Variants in RAP1GDS1 observed in about 807,000 individuals in gnomAD.
RAP1GDS1 encodes Rap1 GTPase-GDP dissociation stimulator 1, also known as RAP1, GTP-GDP dissociation stimulator 1.
Under a neutral mutation model 71.1 loss-of-function variants are expected in RAP1GDS1, and 35 were observed. The ratio of observed to expected loss-of-function variants is 0.49; its 90% CI spans 0.38 to 0.65. RAP1GDS1 has a LOEUF of 0.65. Ranked by LOEUF, RAP1GDS1 falls within the 30% of genes least tolerant of loss-of-function variation. RAP1GDS1 has a pLI of 0.00. For synonymous variants in RAP1GDS1, 229 were observed against 243.1 expected, an observed-to-expected ratio of 0.94 and a Z score of 0.54; for missense variants, 663 against 706.1, an observed-to-expected ratio of 0.94 and a Z score of 0.69.
intron 5 of RAP1GDS1, among the ~76,000 whole-genome samples, chr4:98,389,859 A>T (rs1169344330): frequency 3.3e-5 from 5 of 152,176 alleles, no homozygotes; most frequent in African/African-American, 1.2e-4. Flanking sequence ...TATCTTCTCC[A>T]TAAAATGTGT....
At chr4:98,422,273 A>G (rs1748999374) in intron 12 of RAP1GDS1, among the ~76,000 whole-genome samples, 1 of 152,036 alleles carries the variant, frequency 6.6e-6, no homozygotes, top group Non-Finnish European at 1.5e-5. Flanking sequence ...GCTGGAGTAC[A>G]GTGGCACAAT....
chr4:98,292,739 T>C (rs1727155130), intron 1 of RAP1GDS1, among the ~76,000 whole-genome samples: 1 of 152,186 alleles, frequency 6.6e-6, no homozygotes, highest in Non-Finnish European at 1.5e-5. Context: ...GTATGTTAAA[T>C]GTCTATAGCA....
intron 2 of RAP1GDS1, among the ~76,000 whole-genome samples, chr4:98,341,492 G>C (rs560305863): frequency 6.6e-6 from 1 of 152,314 alleles, no homozygotes; most frequent in East Asian, 1.9e-4. Context: ...GCAGTTAACT[G>C]CTCGCCTCCA....
chr4:98,264,666 AAAGTAT>A (rs1477609218), intron 1 of RAP1GDS1, among the ~76,000 whole-genome samples: 3 of 152,192 alleles, frequency 2.0e-5, no homozygotes, highest in Non-Finnish European at 4.4e-5. Flanking sequence ...AATAGAAGTA[AAAGTAT>A]AAGTTATATA....
At chr4:98,384,382 T>A (rs2110113412) in intron 5 of RAP1GDS1, among the ~76,000 whole-genome samples, 1 of 151,780 alleles carries the variant, frequency 6.6e-6, no homozygotes, top group African/African-American at 2.4e-5. Context: ...TTCTCTTTTT[T>A]AAAAATTCCT....
At chr4:98,374,992 A>G (rs1740955060) in intron 4 of RAP1GDS1, among the ~76,000 whole-genome samples, 1 of 152,196 alleles carries the variant, frequency 6.6e-6, no homozygotes, top group African/African-American at 2.4e-5. Flanking sequence ...GTGTTGTATT[A>G]TATTCTATTA....
chr4:98,318,833 A>G (rs1731330579), intron 2 of RAP1GDS1, among the ~76,000 whole-genome samples: 3 of 152,230 alleles, frequency 2.0e-5, no homozygotes, highest in African/African-American at 7.2e-5. Flanking sequence ...TGCAACTCAG[A>G]ACGGCATGCA....
chr4:98,438,935 A>G (rs947726765), intron 14 of RAP1GDS1, among the ~76,000 whole-genome samples: 2 of 152,110 alleles, frequency 1.3e-5, no homozygotes, highest in Non-Finnish European at 2.9e-5. Flanking sequence ...TTTCTTCTAC[A>G]TATATTTAGA....
intron 7 of RAP1GDS1, among the ~76,000 whole-genome samples, chr4:98,416,123 A>G (rs1002487228): frequency 6.6e-6 from 1 of 152,064 alleles, no homozygotes; most frequent in African/African-American, 2.4e-5. Context: ...AAACATGAGC[A>G]TGATATCTAG....
intron 2 of RAP1GDS1, among the ~76,000 whole-genome samples, chr4:98,329,788 CAAAAAAA>C (rs34140500): frequency 4.6e-5 from 2 of 43,428 alleles, no homozygotes; most frequent in East Asian, 7.2e-4. Context: ...GACTCCATCT[CAAAAAAA>C]AAAAAAAAAA....
chr4:98,299,582 A>T (rs888949802), intron 2 of RAP1GDS1, among the ~76,000 whole-genome samples: 26 of 151,948 alleles, frequency 1.7e-4, no homozygotes, highest in African/African-American at 5.3e-4. Context: ...ACTTGGGCAG[A>T]TGAGGAGTCA....
At chr4:98,387,278 T>C (rs994239508) in intron 5 of RAP1GDS1, among the ~76,000 whole-genome samples, 12 of 152,236 alleles carry the variant, frequency 7.9e-5, no homozygotes, top group Non-Finnish European at 1.8e-4. Context: ...AAACCTGTTA[T>C]AATCTTCTTA....
At chr4:98,364,199 A>G (rs551597110) in intron 4 of RAP1GDS1, among the ~76,000 whole-genome samples, 4 of 152,280 alleles carry the variant, frequency 2.6e-5, no homozygotes, top group Admixed American at 2.0e-4. Context: ...GCATTTAGCA[A>G]AATGTTGTTA....
intron 7 of RAP1GDS1, chr4:98,409,673 A>G: frequency 2.7e-6 from 1 of 364,820 alleles, no homozygotes. Flanking sequence ...CTGAAGCAAC[A>G]GTCTGTTCCA....
At chr4:98,314,610 G>A (rs547594078) in intron 2 of RAP1GDS1, among the ~76,000 whole-genome samples, 3 of 152,254 alleles carry the variant, frequency 2.0e-5, no homozygotes, top group South Asian at 2.1e-4. Flanking sequence ...CTCTGTAAGA[G>A]GAGGGATGCA....
chr4:98,288,040 C>CT (rs1351373335), intron 1 of RAP1GDS1, among the ~76,000 whole-genome samples: 2 of 151,680 alleles, frequency 1.3e-5, no homozygotes, highest in Admixed American at 6.6e-5. Flanking sequence ...ATTTGTTTTT[C>CT]TTTTTTTTAC....
intron 6 of RAP1GDS1, among the ~76,000 whole-genome samples, chr4:98,395,444 C>A (rs1040474215): frequency 6.6e-6 from 1 of 152,122 alleles, no homozygotes; most frequent in Non-Finnish European, 1.5e-5. Context: ...TATACCATGC[C>A]AGCCTGTGCT....
At chr4:98,421,537 G>GATATATCCC in intron 12 of RAP1GDS1, 143 bp downstream of exon 12, 9 of 884,636 alleles carry the variant, frequency 1.0e-5, no homozygotes, top group Non-Finnish European at 1.4e-5. Context: ...AATGTGCTTA[G>GATATATCCC]CTGATACATG....
At chr4:98,438,999 A>G (rs542405363) in intron 14 of RAP1GDS1, among the ~76,000 whole-genome samples, 12 of 152,302 alleles carry the variant, frequency 7.9e-5, no homozygotes, top group African/African-American at 2.9e-4. Context: ...ATATTTCAGA[A>G]AACTCTTTGA....
Sources: gnomAD v4.1 joint callset for allele counts (sites outside exome capture counted in the v4.1 genomes callset) on GRCh38, gnomAD v4.1.1 for gene constraint, MANE v1.5 for transcripts, NCBI Gene and HGNC (gene_info 2026-07-23, HGNC 2026-07-21) for gene names.